The following STX8 variants were observed in gnomAD, a reference collection of about 807,000 sequenced individuals.
The protein encoded by STX8 is syntaxin-8.
STX8 carries 23 observed loss-of-function variants against 37.5 expected under a neutral mutation model. The observed-to-expected ratio is 0.61, with a 90% confidence interval of 0.44 to 0.87. The LOEUF is 0.87. Ranked by LOEUF, STX8 falls within the 40% of genes least tolerant of loss-of-function variation. STX8 has a pLI of 0.00. For missense variants in STX8, 313 were observed against 284.7 expected, an observed-to-expected ratio of 1.10 and a Z score of -0.71; for synonymous variants, 115 against 99.1, an observed-to-expected ratio of 1.16 and a Z score of -0.95.
At chr17:9,406,245 C>G (rs1597651910) in intron 6 of STX8, among the ~76,000 whole-genome samples, 1 of 152,148 alleles carries the variant, frequency 6.6e-6, no homozygotes, top group Non-Finnish European at 1.5e-5. Flanking sequence ...CAGGGTGAAT[C>G]ACTAGTATCA....
chr17:9,431,632 T>C (rs1030563699), intron 6 of STX8, among the ~76,000 whole-genome samples: 2 of 152,158 alleles, frequency 1.3e-5, no homozygotes, highest in Admixed American at 6.5e-5. Flanking sequence ...AACACAGTCA[T>C]GACACTGGTG....
At chr17:9,479,574 G>C (rs772294334) in intron 6 of STX8, among the ~76,000 whole-genome samples, 1 of 148,118 alleles carries the variant, frequency 6.8e-6, no homozygotes, top group Non-Finnish European at 1.5e-5. Flanking sequence ...TATATATTAA[G>C]TATATATTCA....
intron 7 of STX8, among the ~76,000 whole-genome samples, chr17:9,270,407 C>A (rs1907410448): frequency 6.6e-6 from 1 of 152,070 alleles, no homozygotes; most frequent in South Asian, 2.1e-4. Flanking sequence ...GCCACCACGC[C>A]CGGCTAATTT....
intron 6 of STX8, among the ~76,000 whole-genome samples, chr17:9,419,281 C>A (rs570192034): frequency 4.6e-4 from 70 of 151,630 alleles, no homozygotes; most frequent in African/African-American, 1.5e-3. Context: ...ATGTTGAGAT[C>A]GCCCAAGGTG....
At chr17:9,436,771 A>G (rs890840660) in intron 6 of STX8, among the ~76,000 whole-genome samples, 9 of 152,202 alleles carry the variant, frequency 5.9e-5, no homozygotes, top group African/African-American at 2.2e-4. Flanking sequence ...AATAAAAAGC[A>G]GCATTGTTTG....
intron 7 of STX8, among the ~76,000 whole-genome samples, chr17:9,361,603 TATTA>T (rs1483639353): frequency 2.0e-5 from 3 of 152,248 alleles, no homozygotes; most frequent in Non-Finnish European, 4.4e-5. Flanking sequence ...TGCAGCAAGG[TATTA>T]ATTATTATAA....
chr17:9,484,661 CA>C (rs61165957), intron 6 of STX8, among the ~76,000 whole-genome samples: 120 of 131,534 alleles, frequency 9.1e-4, no homozygotes, highest in Admixed American at 1.4e-3. Context: ...ACTAAAAATA[CA>C]AAAAAAAAAA....
intron 3 of STX8, among the ~76,000 whole-genome samples, chr17:9,547,795 TTG>T (rs567018025): frequency 0.13 from 17,084 of 128,044 alleles, 683 homozygotes; most frequent in African/African-American, 0.17. Context: ...TTTTTTTTTT[TTG>T]TTTTGTTTTG....
Position 9,426,224 on chromosome 17 carries a change from A to G in STX8, c.542-47571T>C, listed in dbSNP as rs193125744. ...TGAGGCAGGAGGACTGCTTAAGTGT[A>G]AGAGCTCAAGACCTGCCCAAGGCCA... On this transcript the variant is annotated intron_variant, in intron 6 of 7. Transcript: ENST00000306357. Among the ~76,000 whole-genome samples, 19 of 152,250 alleles carry G rather than the reference A, an allele frequency of 1.2e-4. No homozygotes were observed. The East Asian group carries it at 3.5e-3, about 28-fold the overall frequency.
intron 4 of STX8, among the ~76,000 whole-genome samples, chr17:9,532,060 C>A (rs16958429): frequency 0.046 from 7,039 of 151,838 alleles, 588 homozygotes; most frequent in African/African-American, 0.16. Context: ...CTCTGGTTTT[C>A]TTTGCTCCAT....
At chr17:9,488,815 A>AGTGT (rs1293010664) in intron 6 of STX8, among the ~76,000 whole-genome samples, 7 of 97,810 alleles carry the variant, frequency 7.2e-5, no homozygotes, top group Admixed American at 2.0e-4. Flanking sequence ...AGAGAGAGAG[A>AGTGT]GAGAGAGTGT....
chr17:9,559,760 A>ATATATTTTTTTTTTTTTT lies in STX8; in HGVS notation c.118-2233_118-2232insAAAAAAAAAAAAAATATA. 4.1e-4 allele frequency among the ~76,000 whole-genome samples: 10 copies of ATATATTTTTTTTTTTTTT among 24,490 alleles called. 1 individual carries two copies. The highest frequency in any genetic ancestry group is 1.7e-3 in the African/African-American group (9 of 5,228). The allele number at this position is 24,490 out of a possible 152,430, so 16.1% of individuals were successfully genotyped here. On this transcript the variant is annotated intron_variant, in intron 2 of 7. Transcript: ENST00000306357. Reference sequence around the variant, plus strand: ...TATATATATATATATATATATATATATTTTTTTTTTTTTTTTTTTTGAGAC... The same window carrying ATATATTTTTTTTTTTTTT: ...TATATATATATATATATATATATATATATATTTTTTTTTTTTTTTTTTTTTTTTTTTTTTTTTTGAGAC...
chr17:9,397,344 C>T (rs1201642768), intron 6 of STX8, among the ~76,000 whole-genome samples: 3 of 152,092 alleles, frequency 2.0e-5, no homozygotes, highest in Admixed American at 2.0e-4. Flanking sequence ...TGCAGTAAGC[C>T]GAGATCGTGC....
chr17:9,555,366 T>C (rs1906924494), intron 3 of STX8: 1 of 152,150 alleles, frequency 6.6e-6, no homozygotes, highest in Non-Finnish European at 1.5e-5. Context: ...AAGTAAAAGC[T>C]CTTAATTTGT....
At chr17:9,299,905 G>C (rs1234222030) in intron 7 of STX8, among the ~76,000 whole-genome samples, 7 of 152,148 alleles carry the variant, frequency 4.6e-5, no homozygotes, top group Non-Finnish European at 8.8e-5. Context: ...AACTACGTTT[G>C]CCAACACTTG....
intron 7 of STX8, among the ~76,000 whole-genome samples, chr17:9,350,006 G>T (rs886603611): frequency 6.6e-6 from 1 of 152,146 alleles, no homozygotes; most frequent in African/African-American, 2.4e-5. Context: ...CCAAAGTGCG[G>T]GGATTACAGG....
intron 7 of STX8, among the ~76,000 whole-genome samples, chr17:9,278,278 G>A (rs569148307): frequency 2.7e-4 from 41 of 152,280 alleles, no homozygotes; most frequent in African/African-American, 9.1e-4. Context: ...AGAAAACCCC[G>A]TCTCTACTAA....
chr17:9,406,716 TTTC>T (rs1912815329), intron 6 of STX8, among the ~76,000 whole-genome samples: 1 of 152,228 alleles, frequency 6.6e-6, no homozygotes. Flanking sequence ...TAGCTAACTT[TTTC>T]TTAAAAATTT....
At chr17:9,273,188 A>G (rs1402441463) in intron 7 of STX8, 2 of 152,268 alleles carry the variant, frequency 1.3e-5, no homozygotes, top group Non-Finnish European at 2.9e-5. Context: ...TATAGGCATA[A>G]TCATAACTTT....
Sources: gnomAD v4.1 joint callset for allele counts (sites outside exome capture counted in the v4.1 genomes callset) on GRCh38, gnomAD v4.1.1 for gene constraint, MANE v1.5 for transcripts, NCBI Gene and HGNC (gene_info 2026-07-23, HGNC 2026-07-21) for gene names.